The following CCBE1 variants were observed in gnomAD, a reference collection of about 807,000 sequenced individuals.
The protein encoded by CCBE1 is collagen and calcium binding EGF domains 1, also known as collagen and calcium-binding EGF domain-containing protein 1.
A neutral mutation model predicts 50.0 loss-of-function variants in CCBE1; 37 were observed. That is an observed-to-expected ratio of 0.74 (90% confidence interval 0.57 to 0.97). The LOEUF (loss-of-function observed/expected upper bound fraction) is 0.97, where lower values mean the gene tolerates loss of function less well. Among genes scored for constraint, CCBE1 ranks in the 50% least tolerant of loss-of-function variants. The probability of loss-of-function intolerance (pLI) is 0.00; values close to 1 mark genes in which losing one functional copy is unlikely to be tolerated. For synonymous variants in CCBE1, 234 were observed against 203.7 expected, an observed-to-expected ratio of 1.15 and a Z score of -1.27; for missense variants, 538 against 523.8, an observed-to-expected ratio of 1.03 and a Z score of -0.26.
intron 2 of CCBE1, among the ~76,000 whole-genome samples, chr18:59,607,418 G>T (rs2053513287): frequency 6.6e-6 from 1 of 152,126 alleles, no homozygotes; most frequent in Non-Finnish European, 1.5e-5. Context: ...TGTTCCAGTT[G>T]CAGAATCATT....
At chr18:59,439,203 C>T (rs567737817) in intron 9 of CCBE1, among the ~76,000 whole-genome samples, 72 of 152,176 alleles carry the variant, frequency 4.7e-4, no homozygotes, top group African/African-American at 1.6e-3. Flanking sequence ...AGGAGAATGG[C>T]GTGAACTCGG....
At chr18:59,638,330 G>A (rs959447502) in intron 2 of CCBE1, among the ~76,000 whole-genome samples, 3 of 152,202 alleles carry the variant, frequency 2.0e-5, no homozygotes, top group Non-Finnish European at 4.4e-5. Flanking sequence ...TGTCTAAAGC[G>A]TTTCAAGATC....
chr18:59,564,064 G>T (rs1037241123), intron 2 of CCBE1: 1 of 152,206 alleles, frequency 6.6e-6, no homozygotes, highest in African/African-American at 2.4e-5. Context: ...ACCTGAGATG[G>T]TGAGACATTC....
intron 2 of CCBE1, among the ~76,000 whole-genome samples, chr18:59,523,212 G>C (rs1914681564): frequency 6.6e-6 from 1 of 151,570 alleles, no homozygotes; most frequent in African/African-American, 2.4e-5. Flanking sequence ...AGTTGAAGAG[G>C]GGTGTATTGA....
intron 5 of CCBE1, among the ~76,000 whole-genome samples, chr18:59,461,598 A>C (rs754470606): frequency 2.0e-5 from 3 of 152,132 alleles, no homozygotes; most frequent in Non-Finnish European, 4.4e-5. Context: ...AATACTGTAG[A>C]AGGGTGCTGC....
chr18:59,588,381 G>A (rs1198099723), intron 2 of CCBE1, among the ~76,000 whole-genome samples: 2 of 151,986 alleles, frequency 1.3e-5, no homozygotes, highest in South Asian at 2.1e-4. Context: ...GGGAAACTTC[G>A]TGAGACCCCA....
At chr18:59,666,827 T>TGG (rs1433185110) in intron 2 of CCBE1, among the ~76,000 whole-genome samples, 1 of 151,962 alleles carries the variant, frequency 6.6e-6, no homozygotes, top group African/African-American at 2.4e-5. Context: ...TAGCTGGGTG[T>TGG]GGTGGTGCGT....
At chr18:59,522,126 C>CTT (rs756293644) in intron 2 of CCBE1, among the ~76,000 whole-genome samples, 2 of 73,606 alleles carry the variant, frequency 2.7e-5, no homozygotes, top group African/African-American at 3.9e-5. Flanking sequence ...CTTAACTTTT[C>CTT]TTTTTTTTTT....
At chr18:59,497,069 A>G (rs576420542) in intron 2 of CCBE1, among the ~76,000 whole-genome samples, 1 of 152,250 alleles carries the variant, frequency 6.6e-6, no homozygotes, top group Non-Finnish European at 1.5e-5. Flanking sequence ...TGAGATACGT[A>G]AAGTACCTAG....
intron 2 of CCBE1, among the ~76,000 whole-genome samples, chr18:59,658,357 ATATATATATATATATAT>A (rs2054229645): frequency 1.9e-3 from 3 of 1,568 alleles, no homozygotes; most frequent in Non-Finnish European, 3.0e-3. Context: ...AAAAAAAAAT[ATATATATATATATATAT>A]ATATATATAT....
intron 5 of CCBE1, among the ~76,000 whole-genome samples, chr18:59,458,264 A>G (rs913064873): frequency 6.6e-6 from 1 of 152,104 alleles, no homozygotes; most frequent in African/African-American, 2.4e-5. Flanking sequence ...CCTCTTATCC[A>G]TCTATGGAGC....
At chr18:59,624,996 G>A (rs2053760782) in intron 2 of CCBE1, among the ~76,000 whole-genome samples, 1 of 152,238 alleles carries the variant, frequency 6.6e-6, no homozygotes, top group African/African-American at 2.4e-5. Context: ...ATCTCTGGAG[G>A]ATGGGAACCC....
intron 2 of CCBE1, among the ~76,000 whole-genome samples, chr18:59,641,229 A>G (rs1348536770): frequency 8.4e-6 from 1 of 118,788 alleles, no homozygotes; most frequent in Non-Finnish European, 1.7e-5. Flanking sequence ...TCAACATTAC[A>G]ATGGATAAAA....
At chr18:59,638,194 T>C (rs959561758) in intron 2 of CCBE1, among the ~76,000 whole-genome samples, 1 of 152,216 alleles carries the variant, frequency 6.6e-6, no homozygotes, top group African/African-American at 2.4e-5. Flanking sequence ...AGATGATCAA[T>C]AAAATTTGAC....
chr18:59,624,168 T>C (rs1428477008), intron 2 of CCBE1, among the ~76,000 whole-genome samples: 2 of 152,248 alleles, frequency 1.3e-5, no homozygotes, highest in Non-Finnish European at 2.9e-5. Context: ...GCTTTTCAAC[T>C]CTAGCTGCCT....
intron 4 of CCBE1, among the ~76,000 whole-genome samples, chr18:59,468,592 G>A (rs1466225589): frequency 6.6e-6 from 1 of 152,100 alleles, no homozygotes; most frequent in African/African-American, 2.4e-5. Context: ...GCAACCAGAG[G>A]ACCTACGGTT....
At chr18:59,496,292 A>G (rs1429966796) in intron 2 of CCBE1, among the ~76,000 whole-genome samples, 2 of 152,198 alleles carry the variant, frequency 1.3e-5, no homozygotes. Flanking sequence ...AGTCTCCACT[A>G]TCTTGAGCAC....
intron 5 of CCBE1, chr18:59,465,395 C>G (rs1911693992): frequency 6.6e-6 from 1 of 152,136 alleles, no homozygotes; most frequent in African/African-American, 2.4e-5. Context: ...CCTCGTTCTT[C>G]TTTTTTCCTC....
chr18:59,434,961 C>T lies in CCBE1; in HGVS notation c.*947G>A, dbSNP rs1910086301. 2.0e-5 allele frequency: 3 copies of T among 152,198 alleles called. No homozygotes were observed. Among genetic ancestry groups the T allele is most frequent in the Admixed American group, 1.3e-4 (2 of 15,280 alleles). 9.4% of individuals were successfully genotyped at this position (152,198 alleles called of 1,614,324 possible). Reference sequence around the variant, plus strand: ...ATTGGTTCAGCCTGGATCATGGCACCTAATGGTACCTTCTGGGCACCTGCT... The same window carrying T: ...ATTGGTTCAGCCTGGATCATGGCACTTAATGGTACCTTCTGGGCACCTGCT... On this transcript the variant is annotated 3_prime_UTR_variant, in exon 11 of 11. Coordinates refer to ENST00000439986, the MANE Select transcript of CCBE1 (RefSeq NM_133459.4).
Sources: allele counts gnomAD v4.1 joint callset (sites outside exome capture counted in the v4.1 genomes callset), GRCh38; gene constraint gnomAD v4.1.1; transcripts MANE v1.5; gene names NCBI Gene and HGNC (gene_info 2026-07-23, HGNC 2026-07-21).